Variants in ADAMTS7 observed in about 807,000 individuals in gnomAD.
ADAMTS7 encodes A disintegrin and metalloproteinase with thrombospondin motifs 7.
A neutral mutation model predicts 172.6 loss-of-function variants in ADAMTS7; 89 were observed. That is an observed-to-expected ratio of 0.52 (90% CI 0.43 to 0.61). The LOEUF is 0.61. Ranked by LOEUF, ADAMTS7 falls within the 20% of genes least tolerant of loss-of-function variation. The pLI is 0.00. For synonymous variants in ADAMTS7, 885 were observed against 978.4 expected (o/e 0.90, Z 1.78); for missense variants, 1,973 against 2,355.6 (o/e 0.84, Z 3.36).
rs969497335 is a variant in ADAMTS7, at chr15:78,811,406, T to A, written c.-186A>T. 1 of 495,894 alleles carries A rather than the reference T, an allele frequency of 2.0e-6. No homozygotes were observed. The highest frequency in any genetic ancestry group is 2.0e-5 in the African/African-American group (1 of 49,758). 30.7% of individuals were successfully genotyped at this position (495,894 alleles called of 1,614,324 possible). A position where few individuals can be genotyped will look rare whatever the true frequency, so the allele number is the denominator to read the frequency against. Reference sequence around the variant, plus strand: ...AACAAAGGCTGCAGGGCCCGCCCCCTTGGCCGCTGCAGAGGCAAAGAAAAG... The same window carrying A: ...AACAAAGGCTGCAGGGCCCGCCCCCATGGCCGCTGCAGAGGCAAAGAAAAG... On this transcript the variant is annotated 5_prime_UTR_variant, in exon 1 of 24. In the 5' UTR this introduces an upstream ATG that the reference lacks. Coordinates refer to ENST00000388820, the MANE Select transcript of ADAMTS7 (RefSeq NM_014272.5).
intron 20 of ADAMTS7, 25 bp downstream of exon 20, chr15:78,764,530 C>T (rs756005663): frequency 1.3e-5 from 20 of 1,531,438 alleles, no homozygotes; most frequent in Non-Finnish European, 1.7e-5. Context: ...CTGGGAATGC[C>T]TGTCCTGGCT....
rs543802541 is a variant in ADAMTS7 at position 78,767,425 on chromosome 15, C to A, written c.2813G>T (p.Arg938Leu). 4.3e-6 allele frequency: 7 copies of A among 1,611,688 alleles called. No homozygotes were observed. Among genetic ancestry groups the A allele is most frequent in the African/African-American group, 2.7e-5 (2 of 74,846 alleles). ...CCAGGTGGCCGGACAGGGTACATGG[C>A]GGTTGCAAGGGGTTTCAGTAGGGGG... ...PRPPTETPCN[R>L]HVPCPATWAV... The change falls in exon 18 of 24, where the codon CGC becomes CTC. Residue 938 changes from arginine (R) to leucine (L), a missense_variant. Transcript: ENST00000388820.
intron 14 of ADAMTS7, among the ~76,000 whole-genome samples, chr15:78,772,324 C>A (rs1022151282): frequency 3.3e-4 from 50 of 152,190 alleles, no homozygotes; most frequent in African/African-American, 9.9e-4. Context: ...GTGAGGCAGA[C>A]AGGGATAGTA....
rs1224117709 is a variant in ADAMTS7, at chr15:78,791,127, C to T, written c.903+13G>A. 1 of 1,611,342 alleles carries T rather than the reference C, an allele frequency of 6.2e-7. No individual in the cohort carries two copies. Among genetic ancestry groups the T allele is most frequent in the Non-Finnish European group, 8.5e-7 (1 of 1,178,584 alleles). On this transcript the variant is annotated intron_variant, in intron 5 of 23. Coordinates refer to ENST00000388820, the MANE Select transcript of ADAMTS7 (RefSeq NM_014272.5). ...GCCATTGCCGGGCAGCGTGGGACCA[C>T]ATGACCACTCACCTCCTCATCTTCC...
chr15:78,777,337 G>C lies in ADAMTS7; in HGVS notation c.1467+107C>G, dbSNP rs985633421. ...AGTGTCACTCAGGGGCGCAGCCCAG[G>C]CCAGGAGAGGTTGCTCCCAGGCTGG... On this transcript the variant is annotated intron_variant, in intron 9 of 23. Coordinates refer to ENST00000388820, the MANE Select transcript of ADAMTS7 (RefSeq NM_014272.5). 6.3e-6 allele frequency: 9 copies of C among 1,432,230 alleles called. No homozygotes were observed. The African/African-American group carries it at 1.1e-4, about 18-fold the overall frequency. 88.7% of individuals were successfully genotyped at this position (1,432,230 alleles called of 1,614,324 possible).
At position 78,785,279 on chromosome 15, in the gene ADAMTS7, A is replaced by G. The variant is rs2055486155; in HGVS notation, c.1322+2952T>C. ...AAGAAATGCCATCTAGATGGGGCGC[A>G]GTGGCTCTCATCTGTAATCCCAGCA... On this transcript the variant is annotated intron_variant, in intron 8 of 23. Transcript: ENST00000388820. 2.0e-5 allele frequency among the ~76,000 whole-genome samples: 3 copies of G among 152,184 alleles called. No individual in the cohort carries two copies. The South Asian group carries it at 6.2e-4, about 31-fold the overall frequency.
chr15:78,759,527 A>T lies in ADAMTS7; in HGVS notation c.4955T>A (p.Leu1652Gln). The T allele has an allele frequency of 6.3e-7, 1 of 1,596,738 alleles. No homozygotes were observed. Among genetic ancestry groups the T allele is most frequent in the Non-Finnish European group, 8.5e-7 (1 of 1,177,090 alleles). ...SFGFCETLRL[L>Q]GRCQLPTIRT... ...GATGGTGGGCAGCTGGCAGCGGCCC[A>T]GTAGGCGCAGCGTCTCGCAGAACCC... The change falls in exon 24 of 24, where the codon CTG becomes CAG. Residue 1652 changes from leucine (L) to glutamine (Q), a missense_variant. By Grantham distance (113) the Leu-to-Gln change is moderately radical. Coordinates refer to ENST00000388820, the MANE Select transcript of ADAMTS7 (RefSeq NM_014272.5).
Position 78,765,970 on chromosome 15 carries a change from G to A in ADAMTS7, c.3941C>T (p.Thr1314Ile). 2 of 1,594,076 alleles carry A rather than the reference G, an allele frequency of 1.3e-6. No individual in the cohort carries two copies. Among genetic ancestry groups the A allele is most frequent in the Non-Finnish European group, 1.7e-6 (2 of 1,175,498 alleles). The change falls in exon 19 of 24, where the codon ACT becomes ATT. Residue 1314 changes from threonine to isoleucine, a missense_variant. By Grantham distance (89) the Thr-to-Ile change is moderately conservative (BLOSUM62 -1). This residue lies in a region of ADAMTS7 where 771 missense variants were observed against 952.6 expected (regional missense o/e 0.81). Coordinates refer to ENST00000388820, the MANE Select transcript of ADAMTS7 (RefSeq NM_014272.5). ...KVRDSSLEPGTPSFPTPGPGS... is the reference protein window; with the variant it reads ...KVRDSSLEPGIPSFPTPGPGS... ...TGGTCCTGGGGTTGGGAAGGAGGGA[G>A]TCCCCGGCTCCAGGGAACTGTCCCT...
intron 8 of ADAMTS7, among the ~76,000 whole-genome samples, chr15:78,787,361 A>C (rs541432208): frequency 2.0e-5 from 3 of 148,096 alleles, no homozygotes; most frequent in South Asian, 4.2e-4. Flanking sequence ...AAAAAAAAAC[A>C]AAAAAACACC....
In ADAMTS7 at chr15:78,776,861, G is replaced by A. The variant is rs1431698594; in HGVS notation, c.1468-20C>T. The A allele has an allele frequency of 6.5e-7, 1 of 1,526,916 alleles. No individual in the cohort carries two copies. The highest frequency in any genetic ancestry group is 8.8e-7 in the Non-Finnish European group (1 of 1,132,184). 94.6% of individuals were successfully genotyped at this position (1,526,916 alleles called of 1,614,324 possible). ...GACATTCTGCGAGGAGGAGGGCATG[G>A]GCCATACCCTCACACCCTCCCCAGT... On this transcript the variant is annotated intron_variant, in intron 9 of 23. Transcript: ENST00000388820.
At chr15:78,806,514 G>A (rs2055800609) in intron 1 of ADAMTS7, among the ~76,000 whole-genome samples, 1 of 152,164 alleles carries the variant, frequency 6.6e-6, no homozygotes, top group Admixed American at 6.5e-5. Context: ...AAGACCCAGG[G>A]CAGGCCCAAG....
rs1180911755 is a variant in ADAMTS7 at position 78,771,937 on chromosome 15, AG to A, written c.2132-109del. The stretch of plus-strand genomic sequence containing the variant: ...ACTTGCCTCCGCCTGCTGATGCCAA[AG>A]CTTTAAAGTCTGAGCTCCCTAAATT... On this transcript the variant is annotated intron_variant, in intron 14 of 23. Transcript: ENST00000388820. This position sits in a 1 kb window ranked among gnomAD's most constrained non-coding sequence, Gnocchi z 4.9. 7 of 1,467,518 alleles carry A rather than the reference AG, an allele frequency of 4.8e-6. No homozygotes were observed. In the African/African-American group the frequency reaches 9.7e-5, roughly 20 times the overall value. 90.9% of individuals were successfully genotyped at this position (1,467,518 alleles called of 1,614,324 possible). A position where few individuals can be genotyped will look rare whatever the true frequency, so the allele number is the denominator to read the frequency against.
intron 1 of ADAMTS7, among the ~76,000 whole-genome samples, chr15:78,808,638 A>C (rs1382124321): frequency 1.6e-5 from 1 of 63,542 alleles, no homozygotes; most frequent in Admixed American, 2.3e-4. Flanking sequence ...ACTGTAGCCT[A>C]GTTGACCTCA....
chr15:78,800,128 A>G (rs1404652771), intron 2 of ADAMTS7, 64 bp downstream of exon 2: 12 of 1,416,676 alleles, frequency 8.5e-6, no homozygotes, highest in Non-Finnish European at 1.2e-5. Flanking sequence ...TGGCAAGGCT[A>G]GAGCCAATCT....
chr15:78,763,560 C>A, intron 22 of ADAMTS7, 139 bp downstream of exon 22: 2 of 1,191,662 alleles, frequency 1.7e-6, no homozygotes, highest in Non-Finnish European at 2.2e-6. Flanking sequence ...TGAGCACCAG[C>A]CGGGCGGGGC....
At chr15:78,774,888 C>A in intron 11 of ADAMTS7, 95 bp from the exon 12 acceptor site, 1 of 1,426,938 alleles carries the variant, frequency 7.0e-7, no homozygotes, top group Admixed American at 2.4e-5. Context: ...TGCATCCACA[C>A]CCCGAGATCC....
chr15:78,777,904 T>C (rs528544146), intron 8 of ADAMTS7, among the ~76,000 whole-genome samples: 1 of 152,318 alleles, frequency 6.6e-6, no homozygotes, highest in Admixed American at 6.5e-5. Context: ...CATGTGGCCC[T>C]GCTCTCCGAC....
At position 78,771,273 on chromosome 15, in the gene ADAMTS7, G is replaced by A. The variant is rs566793359; in HGVS notation, c.2407C>T (p.His803Tyr). Residue 803 changes from histidine (H) to tyrosine (Y), a missense_variant, in exon 16 of 24, where the codon CAC becomes TAC. This residue lies in a region of ADAMTS7 where 771 missense variants were observed against 952.6 expected (regional missense o/e 0.81). Transcript: ENST00000388820. This position sits in a 1 kb window ranked among gnomAD's most constrained non-coding sequence, Gnocchi z 4.9. ...TCCCTGTGGATGGTGTACTCGTAGTGCACCCCAGGGTTGCTCTCCTGGAAC... is the reference window on the plus strand; with the variant it reads ...TCCCTGTGGATGGTGTACTCGTAGTACACCCCAGGGTTGCTCTCCTGGAAC... ...LLFQESNPGV[H>Y]YEYTIHREAG... is the part of the protein sequence containing the mutation. The A allele has an allele frequency of 4.8e-5, 77 of 1,612,784 alleles. No individual in the cohort carries two copies. The highest frequency in any genetic ancestry group is 6.0e-5 in the Non-Finnish European group (71 of 1,179,742).
chr15:78,789,952 C>A, intron 6 of ADAMTS7, 114 bp from the exon 7 acceptor site: 1 of 1,412,240 alleles, frequency 7.1e-7, no homozygotes, highest in Non-Finnish European at 9.5e-7. Context: ...GGATGTCTCT[C>A]CCACCGTTCT....
Sources: gnomAD v4.1 joint callset for allele counts (sites outside exome capture counted in the v4.1 genomes callset) on GRCh38, gnomAD v4.1.1 for gene constraint, gnomAD v4.1.1 regional missense constraint, Gnocchi (gnomAD v3.1) non-coding constraint, MANE v1.5 for transcripts, NCBI Gene and HGNC (gene_info 2026-07-23, HGNC 2026-07-21) for gene names.